Variants in CPED1 observed in about 807,000 individuals in gnomAD.
CPED1 encodes cadherin-like and PC-esterase domain-containing protein 1.
In CPED1, 114 loss-of-function variants were observed where a neutral mutation model predicts 128.2. That is an observed-to-expected ratio of 0.89 (90% confidence interval 0.76 to 1.04). CPED1 has a LOEUF of 1.04. Among genes scored for constraint, CPED1 ranks in the 50% least tolerant of loss-of-function variants. The pLI is 0.00. For synonymous variants in CPED1, 462 were observed against 426.7 expected (o/e 1.08, Z -1.02); for missense variants, 1,211 against 1,207.1 (o/e 1.00, Z -0.05).
chr7:121,291,138 C>T (rs1402493313), intron 22 of CPED1, among the ~76,000 whole-genome samples: 2 of 152,126 alleles, frequency 1.3e-5, no homozygotes, highest in African/African-American at 4.8e-5. Flanking sequence ...TTTCTGAGGC[C>T]TCTCCTCTGT....
rs1368972858 is a variant in CPED1, at chr7:120,989,884, A to G, written c.249+14A>G. Reference sequence around the variant, plus strand: ...GAAACCAGAAAGGTAAGACTCTCATAAGCTTAACGGAGACAGTTTCTGCAA... The same window carrying G: ...GAAACCAGAAAGGTAAGACTCTCATGAGCTTAACGGAGACAGTTTCTGCAA... On this transcript the variant is annotated intron_variant, in intron 2 of 22. Transcript: ENST00000310396. The G allele has an allele frequency of 1.2e-6, 2 of 1,613,618 alleles. No homozygotes were observed. The highest frequency in any genetic ancestry group is 2.7e-5 in the African/African-American group (2 of 74,894).
chr7:121,136,177 T>C lies in CPED1; in HGVS notation c.1699+87T>C. 2.4e-6 allele frequency: 3 copies of C among 1,267,918 alleles called. No individual in the cohort carries two copies. In the South Asian group the frequency reaches 4.5e-5, roughly 19 times the overall value. 78.5% of individuals were successfully genotyped at this position (1,267,918 alleles called of 1,614,324 possible). A position where few individuals can be genotyped will look rare whatever the true frequency, so the allele number is the denominator to read the frequency against. ...AAAAAAAATGCATCATTTTATTATA[T>C]GTGGGTATCTTACGCTGATAATTGT... On this transcript the variant is annotated intron_variant, in intron 14 of 22. Coordinates refer to ENST00000310396, the MANE Select transcript of CPED1 (RefSeq NM_024913.5).
At chr7:121,166,480 C>CT (rs1390954388) in intron 16 of CPED1, among the ~76,000 whole-genome samples, 1 of 152,012 alleles carries the variant, frequency 6.6e-6, no homozygotes, top group East Asian at 1.9e-4. Context: ...CCAGTTCATC[C>CT]TTTTTTTGAA....
At chr7:121,151,598 T>A (rs1563046964) in intron 16 of CPED1, among the ~76,000 whole-genome samples, 1 of 152,224 alleles carries the variant, frequency 6.6e-6, no homozygotes, top group Non-Finnish European at 1.5e-5. Flanking sequence ...CCAAATCTAA[T>A]ATTTGCCTTA....
At chr7:121,275,453 C>G (rs1792311738) in intron 22 of CPED1, among the ~76,000 whole-genome samples, 1 of 152,060 alleles carries the variant, frequency 6.6e-6, no homozygotes, top group African/African-American at 2.4e-5. Context: ...TGGATGGTGC[C>G]TTCGGTTATG....
chr7:121,130,322 C>G (rs1795631280), intron 12 of CPED1, 28 bp downstream of exon 12: 1 of 1,551,368 alleles, frequency 6.4e-7, no homozygotes, highest in Admixed American at 2.0e-5. Context: ...TTGAATTGTA[C>G]AATCCAAAAA....
intron 16 of CPED1, among the ~76,000 whole-genome samples, chr7:121,159,374 T>C (rs1236572814): frequency 6.6e-6 from 1 of 152,112 alleles, no homozygotes; most frequent in Non-Finnish European, 1.5e-5. Flanking sequence ...GAGATTATAA[T>C]TTGGGGGAGA....
At chr7:121,086,786 G>T (rs1479530234) in intron 5 of CPED1, among the ~76,000 whole-genome samples, 1 of 152,134 alleles carries the variant, frequency 6.6e-6, no homozygotes. Context: ...GATGGATAAG[G>T]GTGGCCATGA....
chr7:121,145,242 G>A lies in CPED1; in HGVS notation c.2055+3101G>A, dbSNP rs148876022. Among the ~76,000 whole-genome samples the A allele has an allele frequency of 1.2e-4, 18 of 151,948 alleles. No homozygotes were observed. In the East Asian group the frequency reaches 2.5e-3, roughly 21 times the overall value. ...TATATATTCCTTTCTTCCATGACAC[G>A]TTTCTCCAATGTTGTATTGATCAGA... On this transcript the variant is annotated intron_variant, in intron 16 of 22. Coordinates refer to ENST00000310396, the MANE Select transcript of CPED1 (RefSeq NM_024913.5).
At chr7:121,090,440 A>T (rs1794544971) in intron 5 of CPED1, among the ~76,000 whole-genome samples, 1 of 152,232 alleles carries the variant, frequency 6.6e-6, no homozygotes, top group Admixed American at 6.5e-5. Flanking sequence ...ACATCATATG[A>T]AAGATATTCT....
chr7:121,112,206 A>G (rs1345059842), intron 7 of CPED1, among the ~76,000 whole-genome samples: 2 of 152,186 alleles, frequency 1.3e-5, no homozygotes, highest in Non-Finnish European at 2.9e-5. Flanking sequence ...GGCTGTCCCC[A>G]TAAGGATATG....
At chr7:121,097,975 TA>T (rs1350585451) in intron 6 of CPED1, 144 bp downstream of exon 6, 7 of 752,712 alleles carry the variant, frequency 9.3e-6, no homozygotes, top group Non-Finnish European at 1.4e-5. Context: ...CCTTTTTAAA[TA>T]AAGAATGCCA....
At chr7:121,284,393 C>T in intron 22 of CPED1, among the ~76,000 whole-genome samples, 1 of 152,154 alleles carries the variant, frequency 6.6e-6, no homozygotes, top group Non-Finnish European at 1.5e-5. Context: ...CATGTCCTTC[C>T]ATTTCAAAAC....
At chr7:121,249,290 A>C (rs1798613233) in intron 18 of CPED1, among the ~76,000 whole-genome samples, 1 of 152,184 alleles carries the variant, frequency 6.6e-6, no homozygotes, top group Admixed American at 6.5e-5. Flanking sequence ...AATCTCATGA[A>C]AGAGGTTAAC....
At chr7:121,051,469 T>G in intron 4 of CPED1, 1 of 495,214 alleles carries the variant, frequency 2.0e-6, no homozygotes, top group South Asian at 1.6e-5. Flanking sequence ...GCTTTGACTG[T>G]CTCGGGTGTC....
At chr7:121,166,042 G>A (rs1008197864) in intron 16 of CPED1, among the ~76,000 whole-genome samples, 1 of 151,902 alleles carries the variant, frequency 6.6e-6, no homozygotes, top group Admixed American at 6.6e-5. Context: ...TAATATATCT[G>A]TTTTTGCTCA....
chr7:121,291,380 T>A (rs1792699151), intron 22 of CPED1, among the ~76,000 whole-genome samples: 1 of 152,210 alleles, frequency 6.6e-6, no homozygotes, highest in South Asian at 2.1e-4. Flanking sequence ...AATCTATAAA[T>A]TACTTTGGGC....
At chr7:121,241,535 A>G (rs908908814) in intron 17 of CPED1, among the ~76,000 whole-genome samples, 2 of 152,080 alleles carry the variant, frequency 1.3e-5, no homozygotes. Context: ...CTTTAGAAAC[A>G]TCTTTCACAT....
chr7:121,026,684 AG>A (rs1444019420), intron 3 of CPED1, among the ~76,000 whole-genome samples: 1 of 139,686 alleles, frequency 7.2e-6, no homozygotes, highest in Non-Finnish European at 1.6e-5. Context: ...AAAAAAAAAA[AG>A]TTTCCCAGGT....
Sources: gnomAD v4.1 joint callset for allele counts (sites outside exome capture counted in the v4.1 genomes callset) on GRCh38, gnomAD v4.1.1 for gene constraint, MANE v1.5 for transcripts, NCBI Gene and HGNC (gene_info 2026-07-23, HGNC 2026-07-21) for gene names.